Variants in BICD1 observed in about 807,000 individuals in gnomAD.
BICD1 encodes BICD cargo adaptor 1.
Under a neutral mutation model 92.5 loss-of-function variants are expected in BICD1, and 35 were observed. The observed-to-expected ratio is 0.38, with a 90% CI of 0.29 to 0.50. The LOEUF (loss-of-function observed/expected upper bound fraction) is 0.50, where lower values mean the gene tolerates loss of function less well. Among genes scored for constraint, BICD1 ranks in the 20% least tolerant of loss-of-function variants. The pLI, the probability that BICD1 is intolerant of heterozygous loss-of-function variation, is 0.93. For synonymous variants in BICD1, 429 were observed against 465.1 expected (o/e 0.92, Z 1.00); for missense variants, 950 against 1,189.8 (o/e 0.80, Z 2.97).
chr12:32,165,376 C>T (rs909513333), intron 1 of BICD1, among the ~76,000 whole-genome samples: 12 of 152,042 alleles, frequency 7.9e-5, no homozygotes, highest in African/African-American at 2.7e-4. Context: ...ATTAGACGGG[C>T]GTGGTGGCGG....
chr12:32,332,538 G>C, intron 5 of BICD1: 1 of 762,950 alleles, frequency 1.3e-6, no homozygotes, highest in Non-Finnish European at 1.6e-6. Flanking sequence ...ATTCAAAGAA[G>C]ACTAACACAT....
intron 1 of BICD1, among the ~76,000 whole-genome samples, chr12:32,133,928 C>T (rs1011542644): frequency 2.0e-5 from 3 of 151,940 alleles, no homozygotes; most frequent in Non-Finnish European, 4.4e-5. Flanking sequence ...ACTACAGGCG[C>T]CTGCCACCAC....
At chr12:32,346,598 ATATATATATATATACGTG>A (rs1280848649) in intron 8 of BICD1, among the ~76,000 whole-genome samples, 244 of 16,670 alleles carry the variant, frequency 0.015, 45 homozygotes, top group Non-Finnish European at 0.016. Flanking sequence ...ATATATATAT[ATATATATATATATACGTG>A]TATATATATA....
intron 8 of BICD1, among the ~76,000 whole-genome samples, chr12:32,364,999 G>A (rs188966908): frequency 9.9e-4 from 151 of 152,282 alleles, no homozygotes; most frequent in African/African-American, 3.4e-3. Flanking sequence ...ACTCTGAGAG[G>A]CCAAGGTGGG....
intron 8 of BICD1, among the ~76,000 whole-genome samples, chr12:32,345,180 C>T (rs1349460693): frequency 6.6e-6 from 1 of 150,776 alleles, no homozygotes; most frequent in East Asian, 2.0e-4. Context: ...CCCAGCTGCT[C>T]AGGAGGCTAA....
intron 2 of BICD1, among the ~76,000 whole-genome samples, chr12:32,293,573 A>G (rs1947779848): frequency 1.3e-5 from 2 of 151,400 alleles, no homozygotes; most frequent in Non-Finnish European, 2.9e-5. Flanking sequence ...CAGGTGATCC[A>G]CCTACCTTGA....
intron 1 of BICD1, among the ~76,000 whole-genome samples, chr12:32,173,034 G>A (rs993784580): frequency 1.6e-4 from 24 of 150,406 alleles, no homozygotes; most frequent in African/African-American, 5.6e-4. Context: ...CCCTGTTCAG[G>A]CAGAGGCAGA....
chr12:32,232,896 C>T (rs1005965217), intron 2 of BICD1, among the ~76,000 whole-genome samples: 30 of 152,038 alleles, frequency 2.0e-4, no homozygotes, highest in Admixed American at 1.8e-3. Flanking sequence ...AAGAAGGGGC[C>T]GAAACTTCTG....
At chr12:32,366,621 G>T (rs758950232) in intron 8 of BICD1, among the ~76,000 whole-genome samples, 2 of 152,118 alleles carry the variant, frequency 1.3e-5, no homozygotes, top group Non-Finnish European at 2.9e-5. Context: ...ACTCCAGCCT[G>T]GGCAACAAGA....
intron 8 of BICD1, among the ~76,000 whole-genome samples, chr12:32,364,680 G>A (rs958886184): frequency 6.6e-6 from 1 of 152,226 alleles, no homozygotes; most frequent in Non-Finnish European, 1.5e-5. Flanking sequence ...GCTAGGAGCA[G>A]TGGCTCACAC....
Position 32,328,407 on chromosome 12 carries a change from G to C in BICD1, c.1952G>C (p.Arg651Pro). Residue 651 changes from arginine to proline, a missense_variant, in exon 5 of 10, where the codon CGT becomes CCT. Coordinates refer to ENST00000652176, the MANE Select transcript of BICD1 (RefSeq NM_001714.4). The surrounding 1 kb of genome is among the most constrained non-coding windows in gnomAD (Gnocchi z 4.4). ...KAVDRSLQLS[R>P]QRAAARELAP... ...GTGGACCGGTCCTTGCAACTGTCTC[G>C]TCAAAGAGCAGCGGCTCGGGAGCTA... 2 of 1,614,208 alleles carry C rather than the reference G, an allele frequency of 1.2e-6. No individual in the cohort carries two copies. Among genetic ancestry groups the C allele is most frequent in the East Asian group, 2.2e-5 (1 of 44,888 alleles).
rs759328721 is a variant in BICD1, at chr12:32,182,278, C to CTTTTTTTTTTTTTTTTTTTTT, written c.214-33967_214-33947dup. On this transcript the variant is annotated intron_variant, in intron 1 of 9. Transcript: ENST00000652176. ...TTCTTTTTTCTTTCTTTCTTTCTTT[C>CTTTTTTTTTTTTTTTTTTTTT]TTTTTTTTTTTTTTTTTTTTTTGAG... Among the ~76,000 whole-genome samples the CTTTTTTTTTTTTTTTTTTTTT allele has an allele frequency of 9.7e-4, 79 of 81,424 alleles. 8 individuals carry two copies. Among genetic ancestry groups the CTTTTTTTTTTTTTTTTTTTTT allele is most frequent in the South Asian group, 2.3e-3 (5 of 2,162 alleles). The allele number at this position is 81,424 out of a possible 152,430, so 53.4% of individuals were successfully genotyped here.
Position 32,378,326 on chromosome 12 carries a change from T to C in BICD1, c.*699T>C, listed in dbSNP as rs1940058776. ...CTCATTAACTGCTGGGTTTTGTTTT[T>C]GTATTTTTAACTAGAGTTCTTCACT... is the stretch of plus-strand genomic sequence containing the variant. On this transcript the variant is annotated 3_prime_UTR_variant, in exon 10 of 10. Coordinates refer to ENST00000652176, the MANE Select transcript of BICD1 (RefSeq NM_001714.4). 1.3e-5 allele frequency: 2 copies of C among 152,248 alleles called. No individual in the cohort carries two copies. Among genetic ancestry groups the C allele is most frequent in the Admixed American group, 6.5e-5 (1 of 15,276 alleles). The allele number at this position is 152,248 out of a possible 1,614,324, so 9.4% of individuals were successfully genotyped here.
intron 4 of BICD1, among the ~76,000 whole-genome samples, chr12:32,317,204 T>C (rs2136237619): frequency 6.6e-6 from 1 of 152,336 alleles, no homozygotes; most frequent in Non-Finnish European, 1.5e-5. Context: ...TGATTTATAA[T>C]CCTTTGGGTA....
At chr12:32,373,591 G>A (rs1939817517) in intron 9 of BICD1, among the ~76,000 whole-genome samples, 1 of 152,102 alleles carries the variant, frequency 6.6e-6, no homozygotes, top group African/African-American at 2.4e-5. Flanking sequence ...AGAGTATTGG[G>A]GCCAGGTGCA....
chr12:32,335,154 A>ATTT (rs11326277), intron 6 of BICD1, among the ~76,000 whole-genome samples: 14 of 147,584 alleles, frequency 9.5e-5, no homozygotes, highest in African/African-American at 3.2e-4. Context: ...ATTACTTATA[A>ATTT]TTTTTTTTTT....
intron 8 of BICD1, among the ~76,000 whole-genome samples, chr12:32,358,194 C>T (rs145108414): frequency 6.5e-4 from 99 of 152,070 alleles, no homozygotes; most frequent in African/African-American, 2.1e-3. Flanking sequence ...CTCCACCTCC[C>T]GGGTTCAAGA....
chr12:32,180,710 T>C (rs545742254), intron 1 of BICD1, among the ~76,000 whole-genome samples: 1 of 152,140 alleles, frequency 6.6e-6, no homozygotes, highest in East Asian at 1.9e-4. Context: ...TTATTCTGCC[T>C]TCCAGAACAT....
At chr12:32,177,929 A>G (rs1370231829) in intron 1 of BICD1, among the ~76,000 whole-genome samples, 1 of 150,978 alleles carries the variant, frequency 6.6e-6, no homozygotes, top group East Asian at 1.9e-4. Flanking sequence ...GTGTGTTTAG[A>G]ATGTATGTTA....
Sources: gnomAD v4.1 joint callset for allele counts (sites outside exome capture counted in the v4.1 genomes callset) on GRCh38, gnomAD v4.1.1 for gene constraint, Gnocchi (gnomAD v3.1) non-coding constraint, MANE v1.5 for transcripts, NCBI Gene and HGNC (gene_info 2026-07-23, HGNC 2026-07-21) for gene names.